The following PTPRD variants were observed in gnomAD, a reference collection of about 807,000 sequenced individuals.
The protein encoded by PTPRD is protein tyrosine phosphatase receptor type D.
Under a neutral mutation model 214.5 loss-of-function variants are expected in PTPRD, and 34 were observed. That is an observed-to-expected ratio of 0.16 (90% CI 0.12 to 0.21). The LOEUF is 0.21. PTPRD is among the 10% of genes least tolerant of loss of function. PTPRD has a pLI of 1.00. For synonymous variants in PTPRD, 1,128 were observed against 845.7 expected (o/e 1.33, Z -5.79); for missense variants, 2,545 against 2,398.7 (o/e 1.06, Z -1.27).
intron 3 of PTPRD, among the ~76,000 whole-genome samples, chr9:10,201,405 T>C (rs1323218716): frequency 2.0e-5 from 3 of 152,070 alleles, no homozygotes; most frequent in African/African-American, 4.8e-5. Flanking sequence ...TCCTTCAACA[T>C]TGGCAAATGT....
chr9:8,379,896 C>T (rs934882991), intron 37 of PTPRD, among the ~76,000 whole-genome samples: 1 of 152,088 alleles, frequency 6.6e-6, no homozygotes, highest in African/African-American at 2.4e-5. Context: ...AAAATTGTTT[C>T]TCTGTTTCCA....
intron 11 of PTPRD, among the ~76,000 whole-genome samples, chr9:8,977,609 ACTCT>A (rs907028829): frequency 4.6e-5 from 7 of 150,882 alleles, no homozygotes; most frequent in South Asian, 2.1e-4. Context: ...AGGAAATTTT[ACTCT>A]CTATTTTAAT....
chr9:9,999,175 C>T lies in PTPRD; in HGVS notation c.-472+34543G>A, dbSNP rs540231302. On this transcript the variant is annotated intron_variant, in intron 4 of 45. Transcript: ENST00000381196. ...ACTCTCACTTCTGCTTTCTTCCCTACGCTCGGGCTGGGAAAGGCCCGACAC... is the reference window on the plus strand; with the variant it reads ...ACTCTCACTTCTGCTTTCTTCCCTATGCTCGGGCTGGGAAAGGCCCGACAC... 5.3e-5 allele frequency among the ~76,000 whole-genome samples: 8 copies of T among 152,310 alleles called. No individual in the cohort carries two copies. In the East Asian group the frequency reaches 1.4e-3, roughly 26 times the overall value.
chr9:8,366,792 A>C (rs1341169879), intron 39 of PTPRD, among the ~76,000 whole-genome samples: 1 of 152,216 alleles, frequency 6.6e-6, no homozygotes, highest in Non-Finnish European at 1.5e-5. Context: ...CGTCATACCA[A>C]GTGTGAATAC....
intron 7 of PTPRD, among the ~76,000 whole-genome samples, chr9:9,619,964 C>CAT (rs1363023313): frequency 6.6e-6 from 1 of 151,084 alleles, no homozygotes; most frequent in African/African-American, 2.4e-5. Flanking sequence ...AATATCTCCA[C>CAT]ATATATATGG....
chr9:9,872,498 G>A (rs1454411311), intron 5 of PTPRD, among the ~76,000 whole-genome samples: 1 of 152,108 alleles, frequency 6.6e-6, no homozygotes, highest in African/African-American at 2.4e-5. Context: ...CTACTCTGGA[G>A]TCTGAGGTGG....
At chr9:9,123,220 T>C (rs2099819311) in intron 10 of PTPRD, among the ~76,000 whole-genome samples, 1 of 152,188 alleles carries the variant, frequency 6.6e-6, no homozygotes, top group South Asian at 2.1e-4. Flanking sequence ...CCTCATGCCA[T>C]CTGTGCCATG....
chr9:10,008,331 C>T (rs930325073), intron 4 of PTPRD, among the ~76,000 whole-genome samples: 15 of 152,036 alleles, frequency 9.9e-5, no homozygotes, highest in South Asian at 2.1e-4. Flanking sequence ...GTGTTTTCAA[C>T]CACATTCAAC....
chr9:9,828,339 T>C (rs971834604), intron 5 of PTPRD, among the ~76,000 whole-genome samples: 1 of 152,088 alleles, frequency 6.6e-6, no homozygotes, highest in Non-Finnish European at 1.5e-5. Context: ...AAAGGATGAG[T>C]TCAAGTCCTT....
intron 2 of PTPRD, among the ~76,000 whole-genome samples, chr9:10,494,303 C>G (rs538056011): frequency 2.0e-5 from 3 of 151,730 alleles, no homozygotes; most frequent in African/African-American, 7.3e-5. Context: ...TGATTACATG[C>G]ATTTCTATTT....
intron 3 of PTPRD, among the ~76,000 whole-genome samples, chr9:10,101,914 T>C (rs1049052287): frequency 5.3e-5 from 8 of 151,620 alleles, no homozygotes; most frequent in Non-Finnish European, 1.2e-4. Context: ...TGGAAACATG[T>C]ATTTAAGGAT....
chr9:9,506,653 T>A (rs2096578128), intron 8 of PTPRD, among the ~76,000 whole-genome samples: 1 of 151,474 alleles, frequency 6.6e-6, no homozygotes, highest in African/African-American at 2.4e-5. Flanking sequence ...TTTGGAATAC[T>A]CAATTTGAGA....
intron 2 of PTPRD, among the ~76,000 whole-genome samples, chr9:10,592,068 C>G (rs943753237): frequency 2.0e-5 from 3 of 152,116 alleles, no homozygotes; most frequent in African/African-American, 7.2e-5. Flanking sequence ...AGATAAATAA[C>G]AGAAGGCCTA....
intron 3 of PTPRD, among the ~76,000 whole-genome samples, chr9:10,210,368 C>A (rs2099509848): frequency 6.6e-6 from 1 of 152,016 alleles, no homozygotes; most frequent in Non-Finnish European, 1.5e-5. Context: ...ACAATTGAGG[C>A]ATTTTCATAG....
chr9:9,650,473 G>A (rs2096307806), intron 7 of PTPRD, among the ~76,000 whole-genome samples: 1 of 152,146 alleles, frequency 6.6e-6, no homozygotes, highest in South Asian at 2.1e-4. Context: ...ATACTTTGTA[G>A]AGGATTTTTG....
intron 44 of PTPRD, among the ~76,000 whole-genome samples, chr9:8,321,483 G>A (rs1277414269): frequency 0.058 from 2,717 of 47,060 alleles, 83 homozygotes; most frequent in African/African-American, 0.24. Flanking sequence ...GTGTGTGTGT[G>A]TGTGTATATA....
chr9:9,415,355 TC>T (rs1313142852), intron 8 of PTPRD, among the ~76,000 whole-genome samples: 1 of 152,002 alleles, frequency 6.6e-6, no homozygotes, highest in African/African-American at 2.4e-5. Context: ...GTGTCTGTAA[TC>T]CCAGCTACTT....
chr9:9,595,157 C>T (rs1177441641), intron 7 of PTPRD, among the ~76,000 whole-genome samples: 1 of 151,340 alleles, frequency 6.6e-6, no homozygotes, highest in Non-Finnish European at 1.5e-5. Flanking sequence ...ACCAGTGCAA[C>T]CGCTATGGAA....
chr9:9,228,497 G>A (rs2099960992), intron 9 of PTPRD, among the ~76,000 whole-genome samples: 1 of 151,992 alleles, frequency 6.6e-6, no homozygotes, highest in South Asian at 2.1e-4. Context: ...ATACATATCT[G>A]AATGTGTGTG....
Sources: allele counts gnomAD v4.1 joint callset (sites outside exome capture counted in the v4.1 genomes callset), GRCh38; gene constraint gnomAD v4.1.1; transcripts MANE v1.5; gene names NCBI Gene and HGNC (gene_info 2026-07-23, HGNC 2026-07-21).